Variants in DZIP1 observed in about 807,000 individuals in gnomAD.
DZIP1 encodes the protein DAZ interacting zinc finger protein 1.
DZIP1 carries 97 observed loss-of-function variants against 107.6 expected under a neutral mutation model. The ratio of observed to expected loss-of-function variants is 0.90; its 90% confidence interval spans 0.77 to 1.07. The LOEUF (loss-of-function observed/expected upper bound fraction) is 1.07, where lower values mean the gene tolerates loss of function less well. DZIP1 is among the 50% of genes least tolerant of loss of function. DZIP1 has a pLI of 0.00. For synonymous variants in DZIP1, 390 were observed against 386.4 expected (o/e 1.01, Z -0.11); for missense variants, 1,035 against 1,063.6 (o/e 0.97, Z 0.37).
intron 5 of DZIP1, among the ~76,000 whole-genome samples, chr13:95,635,948 GGGAAAGAGGGAA>G (rs922558532): frequency 5.3e-5 from 8 of 151,458 alleles, no homozygotes; most frequent in East Asian, 1.9e-4. Flanking sequence ...GAGGTAGGGA[GGGAAAGAGGGAA>G]GGAAAGAGGG....
intron 9 of DZIP1, among the ~76,000 whole-genome samples, chr13:95,621,689 T>C (rs1267079629): frequency 6.6e-6 from 1 of 150,482 alleles, no homozygotes; most frequent in Non-Finnish European, 1.5e-5. Context: ...TGTGTGTGTG[T>C]GTGTGTGTGT....
intron 1 of DZIP1, among the ~76,000 whole-genome samples, chr13:95,643,968 G>T (rs1160167505): frequency 6.6e-6 from 1 of 152,132 alleles, no homozygotes; most frequent in Non-Finnish European, 1.5e-5. Context: ...TCCGTTGGCC[G>T]CCACACTCCA....
At chr13:95,627,150 A>T (rs1230939203) in intron 7 of DZIP1, among the ~76,000 whole-genome samples, 1 of 152,270 alleles carries the variant, frequency 6.6e-6, no homozygotes, top group Non-Finnish European at 1.5e-5. Flanking sequence ...TGATATTGGC[A>T]TAAAGACAGA....
chr13:95,613,590 T>C (rs1874661159), intron 10 of DZIP1, among the ~76,000 whole-genome samples: 1 of 152,010 alleles, frequency 6.6e-6, no homozygotes, highest in East Asian at 1.9e-4. Flanking sequence ...GGTATCCTGA[T>C]CAAATAAAGG....
In DZIP1 at chr13:95,580,484, T is replaced by C. The variant is rs1490600713; in HGVS notation, c.*1750A>G. The C allele has an allele frequency of 6.6e-6, 1 of 152,198 alleles. No homozygotes were observed. Among genetic ancestry groups the C allele is most frequent in the Non-Finnish European group, 1.5e-5 (1 of 68,038 alleles). The allele number at this position is 152,198 out of a possible 1,614,324, so 9.4% of individuals were successfully genotyped here. A position where few individuals can be genotyped will look rare whatever the true frequency, so the allele number is the denominator to read the frequency against. On this transcript the variant is annotated 3_prime_UTR_variant, in exon 23 of 23. Transcript: ENST00000376829. The stretch of plus-strand genomic sequence containing the variant: ...GCTCTTCTGCTCAGGAATGAAAACA[T>C]GGCAGACACAAAACATGGAATAGAG...
intron 2 of DZIP1, 131 bp downstream of exon 2, chr13:95,643,469 GC>G (rs1205137240): frequency 5.3e-5 from 8 of 152,298 alleles, no homozygotes; most frequent in African/African-American, 1.9e-4. Flanking sequence ...CTGCAACCAG[GC>G]ATAAAAAGTG....
At chr13:95,627,386 G>T (rs1484649077) in intron 7 of DZIP1, among the ~76,000 whole-genome samples, 1 of 151,922 alleles carries the variant, frequency 6.6e-6, no homozygotes, top group Non-Finnish European at 1.5e-5. Flanking sequence ...ACCTAATAGA[G>T]CTAAAGTGAT....
In DZIP1 at chr13:95,630,025, C is replaced by T. The variant is rs1566423182; in HGVS notation, c.774G>A (p.Glu258=). 1 of 1,613,788 alleles carries T rather than the reference C, an allele frequency of 6.2e-7. No individual in the cohort carries two copies. The highest frequency in any genetic ancestry group is 8.5e-7 in the Non-Finnish European group (1 of 1,179,884). ...TGACTGCACTGGCATGGTGTGCAGCCTCTAGCTCAGACCTGGTGAGCTGCA... is the reference window on the plus strand; with the variant it reads ...TGACTGCACTGGCATGGTGTGCAGCTTCTAGCTCAGACCTGGTGAGCTGCA... ...EELQLTRSEL[E]AAHHASAVRF... The change falls in exon 7 of 23, where the codon GAG becomes GAA. Residue 258 remains glutamate (E), a synonymous_variant. Transcript: ENST00000376829.
chr13:95,608,989 C>T (rs937979480), intron 13 of DZIP1, among the ~76,000 whole-genome samples: 2 of 152,188 alleles, frequency 1.3e-5, no homozygotes, highest in African/African-American at 4.8e-5. Flanking sequence ...AAGATTATGT[C>T]CTTTTGTTTT....
intron 12 of DZIP1, among the ~76,000 whole-genome samples, chr13:95,610,111 T>TGTGTGTGTGTGTGTGAGAGAGAGA (rs368276400): frequency 3.9e-5 from 5 of 126,662 alleles, no homozygotes; most frequent in African/African-American, 5.9e-5. Context: ...TGTGTGTGTG[T>TGTGTGTGTGTGTGTGAGAGAGAGA]GAGAGAGAGA....
At chr13:95,589,637 C>T (rs1391857441) in intron 18 of DZIP1, among the ~76,000 whole-genome samples, 166 bp downstream of exon 18, 1 of 152,218 alleles carries the variant, frequency 6.6e-6, no homozygotes, top group Non-Finnish European at 1.5e-5. Context: ...AGGCAGACAG[C>T]CTTCACCGGA....
At chr13:95,615,750 A>C (rs958167128) in intron 10 of DZIP1, among the ~76,000 whole-genome samples, 4 of 152,194 alleles carry the variant, frequency 2.6e-5, no homozygotes, top group African/African-American at 9.7e-5. Flanking sequence ...CCAGCAGTGT[A>C]GTATGCCCTG....
chr13:95,640,814 T>C (rs530241335), intron 5 of DZIP1, among the ~76,000 whole-genome samples: 1 of 152,304 alleles, frequency 6.6e-6, no homozygotes, highest in Non-Finnish European at 1.5e-5. Context: ...AGAGGGACTG[T>C]GGAAAATGTT....
chr13:95,619,809 T>C lies in DZIP1; in HGVS notation c.1173+76A>G. On this transcript the variant is annotated intron_variant, in intron 10 of 22. Coordinates refer to ENST00000376829, the MANE Select transcript of DZIP1 (RefSeq NM_198968.4). ...CCAAATGTTATTAAGTGGACAAATA[T>C]TATGTTTATTAAAAAGGAAAGCAAA... 4.2e-6 allele frequency: 6 copies of C among 1,438,946 alleles called. No individual in the cohort carries two copies. The South Asian group carries it at 6.0e-5, about 14-fold the overall frequency. 89.1% of individuals were successfully genotyped at this position (1,438,946 alleles called of 1,614,324 possible).
At chr13:95,623,172 G>A (rs1876112930) in intron 8 of DZIP1, among the ~76,000 whole-genome samples, 1 of 152,216 alleles carries the variant, frequency 6.6e-6, no homozygotes, top group African/African-American at 2.4e-5. Flanking sequence ...TAAATCCACT[G>A]GGGACATAAC....
At chr13:95,615,941 T>C (rs918438518) in intron 10 of DZIP1, among the ~76,000 whole-genome samples, 1 of 152,182 alleles carries the variant, frequency 6.6e-6, no homozygotes, top group Non-Finnish European at 1.5e-5. Flanking sequence ...GAAACCAAAG[T>C]TGTGCTGGTT....
intron 10 of DZIP1, 28 bp from the exon 11 acceptor site, chr13:95,612,205 T>A (rs1203452645): frequency 1.3e-6 from 2 of 1,599,540 alleles, no homozygotes; most frequent in Non-Finnish European, 1.7e-6. Context: ...AAGGCATCCA[T>A]CTGTAAGCTG....
chr13:95,607,776 C>T (rs1312965076), intron 13 of DZIP1, among the ~76,000 whole-genome samples: 1 of 152,102 alleles, frequency 6.6e-6, no homozygotes, highest in Non-Finnish European at 1.5e-5. Context: ...ACAATTTGGT[C>T]TTTTCTCTAA....
chr13:95,627,528 G>A (rs1277863690), intron 7 of DZIP1, among the ~76,000 whole-genome samples: 1 of 152,178 alleles, frequency 6.6e-6, no homozygotes, highest in African/African-American at 2.4e-5. Context: ...AAATAAACAT[G>A]AAGAGATGTT....
Sources: gnomAD v4.1 joint callset for allele counts (sites outside exome capture counted in the v4.1 genomes callset) on GRCh38, gnomAD v4.1.1 for gene constraint, MANE v1.5 for transcripts, NCBI Gene and HGNC (gene_info 2026-07-23, HGNC 2026-07-21) for gene names.